ERC1: variants seen among roughly 807,000 people sequenced by gnomAD.
The protein encoded by ERC1 is RAB6 interacting protein 2.
Under a neutral mutation model 132.0 loss-of-function variants are expected in ERC1, and 56 were observed. The ratio of observed to expected loss-of-function variants is 0.42; its 90% CI spans 0.34 to 0.53. The LOEUF is 0.53. Among genes scored for constraint, ERC1 ranks in the 20% least tolerant of loss-of-function variants. ERC1 has a pLI of 0.03. For synonymous variants in ERC1, 478 were observed against 476.1 expected (o/e 1.00, Z -0.05); for missense variants, 1,202 against 1,349.9 (o/e 0.89, Z 1.72).
chr12:1,454,835 G>A lies in ERC1; in HGVS notation c.3213+10085G>A, dbSNP rs183933374. ...GTGTGATATAAATTTAAAATATATC[G>A]TCTCATACTACTTAGGCTGTCAGTT... On this transcript the variant is annotated intron_variant, in intron 18 of 18. Transcript: ENST00000360905. Among the ~76,000 whole-genome samples the A allele has an allele frequency of 7.7e-3, 1,168 of 152,140 alleles. 8 individuals are homozygous for A. Among genetic ancestry groups the A allele is most frequent in the Non-Finnish European group, 0.012 (795 of 68,004 alleles).
intron 2 of ERC1, 82 bp from the exon 3 acceptor site, chr12:1,083,081 AT>A: frequency 8.4e-7 from 1 of 1,186,390 alleles, no homozygotes. Flanking sequence ...TCTTGTAGCT[AT>A]TTTTGATTCC....
chr12:1,396,489 G>T (rs146843000), intron 16 of ERC1, among the ~76,000 whole-genome samples: 176 of 152,326 alleles, frequency 1.2e-3, no homozygotes, highest in East Asian at 0.011. Context: ...ATGAGACTCT[G>T]TCGCAGCCCT....
intron 7 of ERC1, among the ~76,000 whole-genome samples, chr12:1,140,831 A>C (rs1366034136): frequency 6.6e-6 from 1 of 152,054 alleles, no homozygotes; most frequent in Non-Finnish European, 1.5e-5. Flanking sequence ...TAGTATGAAA[A>C]AATATAAAAT....
chr12:1,280,088 G>T (rs779409665), intron 14 of ERC1, among the ~76,000 whole-genome samples: 4 of 152,130 alleles, frequency 2.6e-5, no homozygotes, highest in African/African-American at 7.2e-5. Flanking sequence ...TCTATACCAA[G>T]GGATATATCG....
At chr12:1,031,446 T>G (rs1968024252) in intron 2 of ERC1, among the ~76,000 whole-genome samples, 1 of 152,154 alleles carries the variant, frequency 6.6e-6, no homozygotes, top group East Asian at 1.9e-4. Context: ...CCTCCTACCA[T>G]TCTATTGTAT....
Position 1,225,164 on chromosome 12 carries a change from T to C in ERC1, c.2352-11605T>C, listed in dbSNP as rs573635864. On this transcript the variant is annotated intron_variant, in intron 12 of 18. Transcript: ENST00000360905. ...TTTTTGGAGTTGATGGAGGTAGTCA[T>C]TAGTATGTCTGTGAGCCAGGTGGAA... is the stretch of plus-strand genomic sequence containing the variant. 2.5e-4 allele frequency among the ~76,000 whole-genome samples: 38 copies of C among 152,156 alleles called. No individual in the cohort carries two copies. The South Asian group carries it at 6.6e-3, about 27-fold the overall frequency.
intron 18 of ERC1, among the ~76,000 whole-genome samples, chr12:1,452,837 T>C (rs76471101): frequency 0.029 from 4,414 of 152,300 alleles, 222 homozygotes; most frequent in African/African-American, 0.1. Context: ...GCCATTAGCA[T>C]TGGGGACTGA....
At chr12:1,064,347 C>T (rs1014322067) in intron 2 of ERC1, among the ~76,000 whole-genome samples, 24 of 152,034 alleles carry the variant, frequency 1.6e-4, no homozygotes, top group Admixed American at 2.6e-4. Flanking sequence ...CCCACTCAGC[C>T]TCCTGAGTAT....
chr12:1,155,267 A>G (rs1182681486), intron 8 of ERC1, among the ~76,000 whole-genome samples: 1 of 143,262 alleles, frequency 7.0e-6, no homozygotes, highest in East Asian at 2.2e-4. Context: ...CAGAGGTTGC[A>G]GTGAGCCTGG....
chr12:1,482,058 G>A (rs1026360067), intron 18 of ERC1, among the ~76,000 whole-genome samples: 3 of 152,100 alleles, frequency 2.0e-5, no homozygotes, highest in Non-Finnish European at 4.4e-5. Context: ...GGAACACAGT[G>A]CCCTTAGGTG....
chr12:1,384,677 T>TC (rs773471501), intron 16 of ERC1, among the ~76,000 whole-genome samples: 3 of 152,146 alleles, frequency 2.0e-5, no homozygotes, highest in Non-Finnish European at 4.4e-5. Context: ...TTCAGTATTT[T>TC]CCCCCTATAT....
intron 1 of ERC1, chr12:998,255 G>C (rs139663940): frequency 6.6e-6 from 1 of 152,234 alleles, no homozygotes; most frequent in Non-Finnish European, 1.5e-5. Context: ...CCTCTTAGCA[G>C]CTGTGCTAGT....
At chr12:1,314,777 C>T (rs1351018014) in intron 15 of ERC1, among the ~76,000 whole-genome samples, 1 of 152,110 alleles carries the variant, frequency 6.6e-6, no homozygotes, top group Non-Finnish European at 1.5e-5. Context: ...AAGATAATGG[C>T]AATCTTTTAA....
chr12:1,297,645 T>C (rs1289576199), intron 15 of ERC1, among the ~76,000 whole-genome samples: 1 of 146,544 alleles, frequency 6.8e-6, no homozygotes, highest in Non-Finnish European at 1.5e-5. Flanking sequence ...ACACGGAGGC[T>C]GTAGTAAGCC....
chr12:1,365,872 TG>T (rs2154372413), intron 15 of ERC1, among the ~76,000 whole-genome samples: 1 of 152,292 alleles, frequency 6.6e-6, no homozygotes, highest in African/African-American at 2.4e-5. Flanking sequence ...GTGGGTGTGG[TG>T]GAATATTACT....
intron 8 of ERC1, among the ~76,000 whole-genome samples, chr12:1,168,256 G>A (rs372022242): frequency 2.6e-5 from 4 of 152,060 alleles, no homozygotes; most frequent in East Asian, 1.9e-4. Context: ...AAGGAACTAA[G>A]ACTACAGTTG....
chr12:996,339 T>C (rs12582029), intron 1 of ERC1, among the ~76,000 whole-genome samples: 33,761 of 147,850 alleles, frequency 0.23, 4,022 homozygotes, highest in Middle Eastern at 0.3. Context: ...CCTGACCTCA[T>C]GATCCGCGCG....
At chr12:1,434,064 G>A (rs2092882333) in intron 17 of ERC1, among the ~76,000 whole-genome samples, 1 of 151,656 alleles carries the variant, frequency 6.6e-6, no homozygotes, top group Admixed American at 6.6e-5. Flanking sequence ...TTAACATGGT[G>A]CAGAAAAGGC....
chr12:1,232,546 A>G (rs2075124824), intron 12 of ERC1, among the ~76,000 whole-genome samples: 1 of 151,948 alleles, frequency 6.6e-6, no homozygotes, highest in African/African-American at 2.4e-5. Flanking sequence ...TGTGTGTTTG[A>G]GTTCCCTGAT....
Sources: gnomAD v4.1 joint callset for allele counts (sites outside exome capture counted in the v4.1 genomes callset) on GRCh38, gnomAD v4.1.1 for gene constraint, MANE v1.5 for transcripts, NCBI Gene and HGNC (gene_info 2026-07-23, HGNC 2026-07-21) for gene names.